FGF12: variants seen among roughly 807,000 people sequenced by gnomAD.
FGF12 encodes fibroblast growth factor 12, also known as fibroblast growth factor 12B.
A neutral mutation model predicts 23.6 loss-of-function variants in FGF12; 14 were observed. That is an observed-to-expected ratio of 0.59 (90% CI 0.39 to 0.93). FGF12 has a LOEUF of 0.93. Ranked by LOEUF, FGF12 falls within the 40% of genes least tolerant of loss-of-function variation. The pLI is 0.00. For synonymous variants in FGF12, 62 were observed against 77.3 expected, an observed-to-expected ratio of 0.80 and a Z score of 1.04; for missense variants, 175 against 217.8, an observed-to-expected ratio of 0.80 and a Z score of 1.24.
At chr3:192,404,594 C>A (rs769261964) in intron 2 of FGF12, among the ~76,000 whole-genome samples, 2 of 152,178 alleles carry the variant, frequency 1.3e-5, no homozygotes, top group Non-Finnish European at 2.9e-5. Flanking sequence ...ACTAATACAG[C>A]CTTTTCACAC....
chr3:192,326,364 G>A (rs1716819573), intron 4 of FGF12, among the ~76,000 whole-genome samples: 1 of 152,082 alleles, frequency 6.6e-6, no homozygotes, highest in Non-Finnish European at 1.5e-5. Flanking sequence ...TTAGAGGAGG[G>A]AATAACAACC....
intron 2 of FGF12, among the ~76,000 whole-genome samples, chr3:192,579,732 G>C (rs1298319067): frequency 2.0e-5 from 3 of 152,080 alleles, no homozygotes; most frequent in Non-Finnish European, 4.4e-5. Flanking sequence ...ACCACACCCA[G>C]CTAGTTTTTG....
At chr3:192,435,478 T>C (rs1007670495) in intron 2 of FGF12, among the ~76,000 whole-genome samples, 4 of 152,190 alleles carry the variant, frequency 2.6e-5, no homozygotes, top group African/African-American at 9.7e-5. Flanking sequence ...GGTGATGTCC[T>C]GAACTTGCAA....
At chr3:192,378,910 G>A (rs139984210) in intron 2 of FGF12, among the ~76,000 whole-genome samples, 9 of 152,008 alleles carry the variant, frequency 5.9e-5, no homozygotes, top group African/African-American at 2.2e-4. Flanking sequence ...TCCCTCCTCC[G>A]AACCTCCACC....
chr3:192,170,359 T>G, intron 5 of FGF12, 99 bp downstream of exon 5: 4 of 860,292 alleles, frequency 4.6e-6, no homozygotes, highest in South Asian at 1.5e-5. Flanking sequence ...TCTGATCTGT[T>G]GCATTCCAGG....
chr3:192,272,826 T>G (rs1360365473), intron 4 of FGF12, among the ~76,000 whole-genome samples: 2 of 152,166 alleles, frequency 1.3e-5, no homozygotes, highest in African/African-American at 4.8e-5. Flanking sequence ...CCTTTCCCAG[T>G]CTGATGCTCC....
At chr3:192,261,225 T>G (rs1474946722) in intron 4 of FGF12, among the ~76,000 whole-genome samples, 1 of 152,176 alleles carries the variant, frequency 6.6e-6, no homozygotes. Flanking sequence ...GGCTTTTATA[T>G]TGGCCTGGTC....
intron 2 of FGF12, among the ~76,000 whole-genome samples, chr3:192,362,221 CA>C (rs1718762834): frequency 6.6e-6 from 1 of 152,094 alleles, no homozygotes; most frequent in African/African-American, 2.4e-5. Flanking sequence ...TAGCTAACGT[CA>C]CTGCAAACAA....
intron 4 of FGF12, among the ~76,000 whole-genome samples, chr3:192,327,964 C>G (rs1716905487): frequency 6.6e-6 from 1 of 152,174 alleles, no homozygotes; most frequent in Admixed American, 6.5e-5. Context: ...TGTCAAGGCT[C>G]CTAAGTTATA....
intron 2 of FGF12, among the ~76,000 whole-genome samples, chr3:192,400,962 A>G (rs111911058): frequency 0.02 from 2,991 of 152,242 alleles, 99 homozygotes; most frequent in African/African-American, 0.067. Context: ...AGGATCCTTT[A>G]CACTCCTAGA....
intron 2 of FGF12, among the ~76,000 whole-genome samples, chr3:192,535,555 G>A (rs1386184365): frequency 3.3e-5 from 5 of 152,160 alleles, no homozygotes; most frequent in Admixed American, 3.3e-4. Flanking sequence ...CATGGTAGGA[G>A]GCTGCAGTCT....
intron 2 of FGF12, among the ~76,000 whole-genome samples, chr3:192,699,553 T>C (rs2108728566): frequency 6.6e-6 from 1 of 152,276 alleles, no homozygotes; most frequent in African/African-American, 2.4e-5. Flanking sequence ...AATTTCTAAA[T>C]GCAAATCAAT....
chr3:192,637,177 G>A (rs745945769), intron 2 of FGF12, among the ~76,000 whole-genome samples: 8 of 152,150 alleles, frequency 5.3e-5, no homozygotes, highest in Non-Finnish European at 8.8e-5. Context: ...GCTTTTGGCT[G>A]GTTTTATAAT....
At chr3:192,507,144 G>A (rs964246022) in intron 2 of FGF12, among the ~76,000 whole-genome samples, 19 of 151,162 alleles carry the variant, frequency 1.3e-4, no homozygotes, top group African/African-American at 1.5e-4. Context: ...TGCCCGCCTC[G>A]GCCTCCCAGA....
chr3:192,468,053 G>A (rs1462543699), intron 2 of FGF12, among the ~76,000 whole-genome samples: 1 of 152,176 alleles, frequency 6.6e-6, no homozygotes, highest in Non-Finnish European at 1.5e-5. Flanking sequence ...CCCGACAGTG[G>A]GGAAGTCCTG....
At chr3:192,501,896 G>A (rs561054231) in intron 2 of FGF12, among the ~76,000 whole-genome samples, 27 of 152,280 alleles carry the variant, frequency 1.8e-4, no homozygotes, top group Non-Finnish European at 2.9e-5. Flanking sequence ...CTTGGCACAT[G>A]ACATGGGTCT....
chr3:192,318,085 A>G (rs1208738649), intron 4 of FGF12, among the ~76,000 whole-genome samples: 7 of 152,168 alleles, frequency 4.6e-5, no homozygotes, highest in African/African-American at 1.4e-4. Flanking sequence ...CTTAGATCAC[A>G]ACACCCAAGT....
intron 2 of FGF12, among the ~76,000 whole-genome samples, chr3:192,650,140 T>C (rs1336569917): frequency 6.6e-6 from 1 of 152,192 alleles, no homozygotes; most frequent in African/African-American, 2.4e-5. Context: ...TCTTTAAGAG[T>C]ACATCTGATC....
At chr3:192,714,836 C>G (rs1718817402) in intron 2 of FGF12, among the ~76,000 whole-genome samples, 1 of 152,092 alleles carries the variant, frequency 6.6e-6, no homozygotes, top group South Asian at 2.1e-4. Flanking sequence ...AATTTTTAAG[C>G]CTGACACTTT....
Sources: gnomAD v4.1 joint callset for allele counts (sites outside exome capture counted in the v4.1 genomes callset) on GRCh38, gnomAD v4.1.1 for gene constraint, MANE v1.5 for transcripts, NCBI Gene and HGNC (gene_info 2026-07-23, HGNC 2026-07-21) for gene names.